The following NDC1 variants were observed in gnomAD, a reference collection of about 807,000 sequenced individuals.
NDC1 encodes the protein nucleoporin NDC1.
NDC1 carries 24 observed loss-of-function variants against 89.8 expected under a neutral mutation model. The ratio of observed to expected loss-of-function variants is 0.27; its 90% CI spans 0.19 to 0.38. The LOEUF (loss-of-function observed/expected upper bound fraction) is 0.38, where lower values mean the gene tolerates loss of function less well. Ranked by LOEUF, NDC1 falls within the 10% of genes least tolerant of loss-of-function variation. The pLI, the probability that NDC1 is intolerant of heterozygous loss-of-function variation, is 1.00. For synonymous variants in NDC1, 296 were observed against 284.8 expected (o/e 1.04, Z -0.39); for missense variants, 728 against 797.6 (o/e 0.91, Z 1.05).
intron 3 of NDC1, among the ~76,000 whole-genome samples, chr1:53,830,469 A>C (rs1221202386): frequency 1.3e-5 from 2 of 151,922 alleles, no homozygotes; most frequent in Non-Finnish European, 2.9e-5. Context: ...CCAAAAACAG[A>C]AAGCAAGCAA....
At chr1:53,776,466 T>C (rs535071136) in intron 16 of NDC1, among the ~76,000 whole-genome samples, 40 of 152,354 alleles carry the variant, frequency 2.6e-4, no homozygotes, top group African/African-American at 9.6e-4. Context: ...TTAGTAATTT[T>C]ATCTTGATTA....
chr1:53,826,302 C>G (rs1648859815), intron 4 of NDC1, among the ~76,000 whole-genome samples: 1 of 152,198 alleles, frequency 6.6e-6, no homozygotes, highest in Non-Finnish European at 1.5e-5. Flanking sequence ...CTCTTTAAAA[C>G]TGAGTATTCC....
chr1:53,774,941 C>G (rs1045090623), intron 16 of NDC1, among the ~76,000 whole-genome samples: 2 of 152,074 alleles, frequency 1.3e-5, no homozygotes, highest in African/African-American at 4.8e-5. Flanking sequence ...AGAATATAAA[C>G]ACGGCAAATC....
intron 1 of NDC1, 48 bp from the exon 2 acceptor site, chr1:53,835,668 T>C: frequency 6.5e-7 from 1 of 1,542,952 alleles, no homozygotes; most frequent in Non-Finnish European, 8.8e-7. Context: ...GTTAAATTAT[T>C]TCAGTTATGC....
chr1:53,792,454 A>G (rs145726305), intron 14 of NDC1, among the ~76,000 whole-genome samples: 4 of 152,302 alleles, frequency 2.6e-5, no homozygotes, highest in African/African-American at 9.6e-5. Context: ...TCTATATTCT[A>G]TCAGGGTTGC....
intron 5 of NDC1, among the ~76,000 whole-genome samples, chr1:53,822,297 G>A (rs1648697181): frequency 6.6e-6 from 1 of 152,068 alleles, no homozygotes. Context: ...CTGTGCCACT[G>A]CACTCCGGCC....
At chr1:53,775,286 T>G (rs1181195) in intron 16 of NDC1, among the ~76,000 whole-genome samples, 2,352 of 152,262 alleles carry the variant, frequency 0.015, 68 homozygotes, top group African/African-American at 0.053. Flanking sequence ...AGACAGAGTA[T>G]CACTCTGTCA....
At chr1:53,821,100 A>T (rs151190111) in intron 5 of NDC1, among the ~76,000 whole-genome samples, 3 of 152,110 alleles carry the variant, frequency 2.0e-5, no homozygotes, top group Non-Finnish European at 4.4e-5. Context: ...CAGAAACTAT[A>T]TCTTCATATT....
chr1:53,828,798 G>C (rs1439632744), intron 3 of NDC1, among the ~76,000 whole-genome samples: 2 of 151,894 alleles, frequency 1.3e-5, no homozygotes, highest in African/African-American at 4.8e-5. Context: ...TTTTAGTAGA[G>C]ATGGGGTTTC....
chr1:53,793,173 T>C, intron 14 of NDC1, 56 bp downstream of exon 14: 1 of 1,390,494 alleles, frequency 7.2e-7, no homozygotes, highest in Admixed American at 1.7e-5. Flanking sequence ...TGCTACTTTA[T>C]TTCATATTTC....
At chr1:53,834,488 A>G (rs563060617) in intron 2 of NDC1, among the ~76,000 whole-genome samples, 1 of 152,336 alleles carries the variant, frequency 6.6e-6, no homozygotes, top group South Asian at 2.1e-4. Context: ...AAAGAGTCCA[A>G]CTCCTTGAAA....
chr1:53,812,908 A>G (rs1570213807), intron 6 of NDC1, among the ~76,000 whole-genome samples: 1 of 145,478 alleles, frequency 6.9e-6, no homozygotes, highest in African/African-American at 2.8e-5. Flanking sequence ...CAGCAGATTT[A>G]TCAGCAGAAA....
chr1:53,826,712 A>G lies in NDC1; in HGVS notation c.456-776T>C, dbSNP rs1279667700. On this transcript the variant is annotated intron_variant, in intron 4 of 17. Transcript: ENST00000371429. ...TGATCTATGAGATATCTGGGGGTATACAGAGCCAACATCAAAATTCAGTAG... is the reference window on the plus strand; with the variant it reads ...TGATCTATGAGATATCTGGGGGTATGCAGAGCCAACATCAAAATTCAGTAG... Among the ~76,000 whole-genome samples, 4 of 152,326 alleles carry G rather than the reference A, an allele frequency of 2.6e-5. No individual in the cohort carries two copies. In the East Asian group the frequency reaches 7.7e-4, roughly 29 times the overall value.
At chr1:53,779,119 CAA>C (rs11412563) in intron 16 of NDC1, among the ~76,000 whole-genome samples, 3 of 55,522 alleles carry the variant, frequency 5.4e-5, no homozygotes, top group African/African-American at 1.4e-4. Flanking sequence ...GACTCTGTCG[CAA>C]AAAAAAAAAA....
intron 7 of NDC1, 83 bp from the exon 8 acceptor site, chr1:53,807,874 C>G: frequency 8.2e-7 from 1 of 1,224,526 alleles, no homozygotes; most frequent in Non-Finnish European, 1.1e-6. Context: ...CATTGAGACA[C>G]AAATATTATG....
intron 10 of NDC1, among the ~76,000 whole-genome samples, chr1:53,803,688 C>G (rs1334584625): frequency 1.3e-5 from 2 of 152,206 alleles, no homozygotes; most frequent in Admixed American, 1.3e-4. Flanking sequence ...TCTCCCGCCT[C>G]AGCCTTTCCA....
intron 13 of NDC1, among the ~76,000 whole-genome samples, chr1:53,794,624 C>G (rs1351333794): frequency 6.6e-6 from 1 of 152,170 alleles, no homozygotes; most frequent in Non-Finnish European, 1.5e-5. Context: ...AATTCCAACA[C>G]TTTATGAGGC....
In NDC1 at chr1:53,796,738, A is replaced by T. The variant is rs1414345990; in HGVS notation, c.1535T>A (p.Met512Lys). The stretch of plus-strand genomic sequence containing the variant: ...TGAATAAATCACACTGGGTTGTCTC[A>T]TTGTCTTACCCTCAGCACTAATAGA... ...STSISAEGKTMRQPSVIYSWI... is the reference protein window; with the variant it reads ...STSISAEGKTKRQPSVIYSWI... The change falls in exon 13 of 18, where the codon ATG becomes AAG. Residue 512 changes from methionine (M) to lysine (K), a missense_variant. Coordinates refer to ENST00000371429, the MANE Select transcript of NDC1 (RefSeq NM_018087.5). 1 of 1,611,886 alleles carries T rather than the reference A, an allele frequency of 6.2e-7. No homozygotes were observed. Among genetic ancestry groups the T allele is most frequent in the Admixed American group, 1.7e-5 (1 of 59,328 alleles).
chr1:53,825,835 A>T lies in NDC1; in HGVS notation c.557T>A (p.Val186Asp). The T allele has an allele frequency of 6.2e-7, 1 of 1,602,278 alleles. No individual in the cohort carries two copies. Among genetic ancestry groups the T allele is most frequent in the South Asian group, 1.1e-5 (1 of 87,452 alleles). Reference protein sequence around the residue: ...MGYSYSLLYFVNNMNYLPFPI... With the variant: ...MGYSYSLLYFDNNMNYLPFPI... ...AAATGGAAGATAGTTCATGTTGTTA[A>T]CAAAATACAGGAGGCTATAGCTATA... The change falls in exon 5 of 18, where the codon GTT becomes GAT. Residue 186 changes from valine to aspartate, a missense_variant. Val to Asp is a radical substitution (Grantham distance 152). Transcript: ENST00000371429.
Sources: gnomAD v4.1 joint callset for allele counts (sites outside exome capture counted in the v4.1 genomes callset) on GRCh38, gnomAD v4.1.1 for gene constraint, MANE v1.5 for transcripts, NCBI Gene and HGNC (gene_info 2026-07-23, HGNC 2026-07-21) for gene names.